KDM3B: variants seen among roughly 807,000 people sequenced by gnomAD.
The protein encoded by KDM3B is lysine-specific demethylase 3B.
In KDM3B, 10 loss-of-function variants were observed where a neutral mutation model predicts 170.0. The observed-to-expected ratio is 0.06, with a 90% CI of 0.04 to 0.10. The LOEUF is 0.10. KDM3B is among the 10% of genes least tolerant of loss of function. The pLI, the probability that KDM3B is intolerant of heterozygous loss-of-function variation, is 1.00. For missense variants in KDM3B, 1,394 were observed against 2,195.2 expected (o/e 0.64, Z 7.29); for synonymous variants, 831 against 834.8 (o/e 1.00, Z 0.08).
At chr5:138,397,642 A>G (rs1447987983) in intron 9 of KDM3B, among the ~76,000 whole-genome samples, 1 of 152,108 alleles carries the variant, frequency 6.6e-6, no homozygotes, top group African/African-American at 2.4e-5. Context: ...GTTCAAGACC[A>G]GCCTGGGCAG....
At chr5:138,435,369 A>G (rs550084039) in intron 23 of KDM3B, among the ~76,000 whole-genome samples, 2 of 152,368 alleles carry the variant, frequency 1.3e-5, no homozygotes, top group South Asian at 4.1e-4. Context: ...AGAGCTCAGC[A>G]GCAGCGCCTG....
chr5:138,387,599 T>G (rs1762302046), intron 7 of KDM3B, among the ~76,000 whole-genome samples: 1 of 152,168 alleles, frequency 6.6e-6, no homozygotes, highest in African/African-American at 2.4e-5. Context: ...TGCAGATTGT[T>G]AATCCCTAGT....
At position 138,428,072 on chromosome 5, in the gene KDM3B, G is replaced by A. The variant is rs749607518; in HGVS notation, c.4739G>A (p.Gly1580Asp). Residue 1580 changes from glycine (G) to aspartate (D), a missense_variant, in exon 20 of 24, where the codon GGT becomes GAT. Transcript: ENST00000314358. The stretch of plus-strand genomic sequence containing the variant: ...TATGTTGGGATTCCCATCGGGGAGG[G>A]TGCTCATGATGAAGGTATGCTTTCT... ...MVYVGIPIGE[G>D]AHDEEVLKTI... 3.2e-5 allele frequency: 52 copies of A among 1,613,822 alleles called. No individual in the cohort carries two copies. The highest frequency in any genetic ancestry group is 4.1e-5 in the Non-Finnish European group (48 of 1,179,892).
Position 138,398,235 on chromosome 5 carries a change from A to T in KDM3B, c.2889A>T (p.Gln963His). The T allele has an allele frequency of 3.1e-6, 5 of 1,614,106 alleles. No individual in the cohort carries two copies. The highest frequency in any genetic ancestry group is 4.2e-6 in the Non-Finnish European group (5 of 1,180,012). ...TGGAGGGGTTTTTAAGCCCCCAGCA[A>T]AGTGACCCTGATGCCATGAACCTGT... Reference protein sequence around the residue: ...LRVEGFLSPQQSDPDAMNLWI... With the variant: ...LRVEGFLSPQHSDPDAMNLWI... Residue 963 changes from glutamine (Q) to histidine (H), a missense_variant, in exon 10 of 24, where the codon CAA (glutamine) becomes CAT (histidine). This residue lies in a region of KDM3B where 76 missense variants were observed against 190.2 expected (regional missense o/e 0.40). Transcript: ENST00000314358.
chr5:138,367,961 C>T (rs1457307026), intron 1 of KDM3B, among the ~76,000 whole-genome samples: 3 of 151,214 alleles, frequency 2.0e-5, no homozygotes, highest in East Asian at 2.0e-4. Context: ...TGCAGTGAGC[C>T]GAGATCGCAC....
At chr5:138,372,610 A>G (rs974557233) in intron 1 of KDM3B, 64 bp from the exon 2 acceptor site, 1 of 1,384,684 alleles carries the variant, frequency 7.2e-7, no homozygotes, top group Non-Finnish European at 1.0e-6. Flanking sequence ...GTTTATGTTC[A>G]TTTATAAGTA....
intron 21 of KDM3B, 95 bp from the exon 22 acceptor site, chr5:138,430,154 T>TC (rs1186912948): frequency 1.4e-6 from 2 of 1,440,718 alleles, no homozygotes; most frequent in Admixed American, 2.1e-5. Flanking sequence ...AGTTTTGCCA[T>TC]CCCCACCCCA....
chr5:138,402,364 T>G (rs901797724), intron 11 of KDM3B, among the ~76,000 whole-genome samples: 10 of 152,238 alleles, frequency 6.6e-5, no homozygotes, highest in African/African-American at 2.4e-4. Flanking sequence ...ATATAACCAT[T>G]GTACAGTGGT....
intron 6 of KDM3B, among the ~76,000 whole-genome samples, chr5:138,385,478 G>A (rs1409192615): frequency 3.3e-5 from 5 of 152,186 alleles, no homozygotes; most frequent in Admixed American, 6.5e-5. Context: ...TGATCTGCCC[G>A]CCTTGGCCTC....
In KDM3B at chr5:138,391,122, C is replaced by A; in HGVS notation, c.1490C>A (p.Ala497Asp). Residue 497 changes from alanine (A) to aspartate (D), a missense_variant, in exon 8 of 24, where the codon GCC becomes GAC. Coordinates refer to ENST00000314358, the MANE Select transcript of KDM3B (RefSeq NM_016604.4). This position sits in a 1 kb window ranked among gnomAD's most constrained non-coding sequence, Gnocchi z 5.0. ...AGGAGCCAGTCCAATGGTGTTCTAG[C>A]CACAGAGAACAAACCTTTGGGCTTC... is the stretch of plus-strand genomic sequence containing the variant. ...SGRSQSNGVL[A>D]TENKPLGFSF... 6.2e-7 allele frequency: 1 copy of A among 1,614,174 alleles called. No individual in the cohort carries two copies.
In KDM3B at chr5:138,391,034, G is replaced by C; in HGVS notation, c.1402G>C (p.Ala468Pro). ...SGENSRNSIL[A>P]SSGFGAPLPS... ...TCAGAATTCAAGAAATTCTATTCTGGCCTCTTCTGGATTTGGAGCACCTCT... is the reference window on the plus strand; with the variant it reads ...TCAGAATTCAAGAAATTCTATTCTGCCCTCTTCTGGATTTGGAGCACCTCT... Residue 468 changes from alanine (A) to proline (P), a missense_variant, in exon 8 of 24, where the codon GCC becomes CCC. Ala to Pro is a conservative substitution (Grantham distance 27). Transcript: ENST00000314358. This position sits in a 1 kb window ranked among gnomAD's most constrained non-coding sequence, Gnocchi z 5.0. The C allele has an allele frequency of 6.4e-7, 1 of 1,572,764 alleles. No individual in the cohort carries two copies. The highest frequency in any genetic ancestry group is 1.2e-5 in the South Asian group (1 of 85,720).
At chr5:138,375,755 A>C (rs1761982381) in intron 3 of KDM3B, among the ~76,000 whole-genome samples, 1 of 146,818 alleles carries the variant, frequency 6.8e-6, no homozygotes, top group African/African-American at 2.5e-5. Context: ...TGGCTCACTG[A>C]AACCTCTGCC....
At chr5:138,356,344 A>G (rs1384934868) in intron 1 of KDM3B, among the ~76,000 whole-genome samples, 2 of 152,300 alleles carry the variant, frequency 1.3e-5, no homozygotes, top group Non-Finnish European at 2.9e-5. Context: ...TACTCCCACC[A>G]ACAGTACTCA....
At chr5:138,376,178 A>G (rs1025654244) in intron 3 of KDM3B, among the ~76,000 whole-genome samples, 6 of 150,926 alleles carry the variant, frequency 4.0e-5, no homozygotes, top group African/African-American at 1.2e-4. Flanking sequence ...GGGTTTTGCC[A>G]TGTTGCCCAG....
At position 138,391,991 on chromosome 5, in the gene KDM3B, A is replaced by G. The variant is rs201851479; in HGVS notation, c.2359A>G (p.Asn787Asp). 2.9e-5 allele frequency: 46 copies of G among 1,613,866 alleles called. 1 individual carries two copies. In the African/African-American group the frequency reaches 5.3e-4, roughly 19 times the overall value. ...CTCCCCGGCAGATTTTTCACAGGAG[A>G]ACAAAGCTCCTTTTGAAGCTGTGAA... Reference protein sequence around the residue: ...LSSPADFSQENKAPFEAVKRF... With the variant: ...LSSPADFSQEDKAPFEAVKRF... The change falls in exon 8 of 24, where the codon AAC becomes GAC. Residue 787 changes from asparagine to aspartate, a missense_variant. Coordinates refer to ENST00000314358, the MANE Select transcript of KDM3B (RefSeq NM_016604.4). The surrounding 1 kb of genome is among the most constrained non-coding windows in gnomAD (Gnocchi z 5.0).
rs867750226 is a variant in KDM3B at position 138,419,766 on chromosome 5, C to T, written c.3715+534C>T. On this transcript the variant is annotated intron_variant, in intron 14 of 23. Coordinates refer to ENST00000314358, the MANE Select transcript of KDM3B (RefSeq NM_016604.4). ...ACACACACACACACACACACACACA[C>T]ATATATATGAGGGACTACCTTTCAA... 2.7e-4 allele frequency among the ~76,000 whole-genome samples: 35 copies of T among 132,068 alleles called. 1 individual carries two copies. Among genetic ancestry groups the T allele is most frequent in the Admixed American group, 1.5e-3 (20 of 13,330 alleles). The allele number at this position is 132,068 out of a possible 152,430, so 86.6% of individuals were successfully genotyped here.
chr5:138,407,257 A>G (rs972839743), intron 11 of KDM3B, among the ~76,000 whole-genome samples: 4 of 152,124 alleles, frequency 2.6e-5, no homozygotes, highest in African/African-American at 9.7e-5. Flanking sequence ...AAGTGCTGGG[A>G]TTACAGGTGT....
intron 5 of KDM3B, among the ~76,000 whole-genome samples, chr5:138,381,048 A>G (rs1197851440): frequency 1.3e-5 from 2 of 151,690 alleles, no homozygotes; most frequent in Non-Finnish European, 2.9e-5. Flanking sequence ...AATTTTTTGT[A>G]TTTTTAGTAG....
chr5:138,388,274 T>C (rs944860712), intron 7 of KDM3B, among the ~76,000 whole-genome samples: 6 of 152,124 alleles, frequency 3.9e-5, no homozygotes, highest in African/African-American at 1.4e-4. Flanking sequence ...AGGGAATTTC[T>C]GTGACTATGA....
Sources: allele counts gnomAD v4.1 joint callset (sites outside exome capture counted in the v4.1 genomes callset), GRCh38; gene constraint gnomAD v4.1.1; regional missense constraint gnomAD v4.1.1; non-coding constraint Gnocchi (gnomAD v3.1); transcripts MANE v1.5; gene names NCBI Gene and HGNC (gene_info 2026-07-23, HGNC 2026-07-21).